The following PTGER3 variants were observed in gnomAD, a reference collection of about 807,000 sequenced individuals.
PTGER3 encodes prostaglandin E receptor 3.
In PTGER3, 22 loss-of-function variants were observed where a neutral mutation model predicts 34.7. The ratio of observed to expected loss-of-function variants is 0.63; its 90% confidence interval spans 0.45 to 0.91. The LOEUF (loss-of-function observed/expected upper bound fraction) is 0.91, where lower values mean the gene tolerates loss of function less well. Among genes scored for constraint, PTGER3 ranks in the 40% least tolerant of loss-of-function variants. The pLI, the probability that PTGER3 is intolerant of heterozygous loss-of-function variation, is 0.00. For missense variants in PTGER3, 468 were observed against 519.4 expected (o/e 0.90, Z 0.96); for synonymous variants, 241 against 230.1 (o/e 1.05, Z -0.43).
intron 1 of PTGER3, among the ~76,000 whole-genome samples, chr1:71,038,138 C>T (rs1659994161): frequency 6.6e-6 from 1 of 152,178 alleles, no homozygotes; most frequent in South Asian, 2.1e-4. Context: ...TAATCACACA[C>T]TTCTTTTTTC....
chr1:70,968,003 G>A (rs904646643), downstream of PTGER3, among the ~76,000 whole-genome samples: 4 of 152,112 alleles, frequency 2.6e-5, no homozygotes, highest in Non-Finnish European at 4.4e-5. Context: ...GTTCTCTTAC[G>A]TATCCCTGGC....
chr1:70,971,875 A>G, intron 3 of PTGER3, 142 bp from the exon 4 acceptor site: 1 of 546,272 alleles, frequency 1.8e-6, no homozygotes, highest in Non-Finnish European at 3.2e-6. Flanking sequence ...TGAAGTAATT[A>G]CATGTGTTTT....
intron 4 of PTGER3, among the ~76,000 whole-genome samples, chr1:70,936,014 T>C (rs188064090): frequency 9.9e-5 from 15 of 152,240 alleles, no homozygotes; most frequent in Admixed American, 9.2e-4. Context: ...AATGCACCAA[T>C]ACGTAACAAG....
chr1:70,909,233 A>C lies in PTGER3; in HGVS notation c.*23+44530T>G, dbSNP rs145907550. On this transcript the variant is annotated intron_variant, in intron 4 of 4. Transcript: ENST00000370931. ...CAAGGTGCAAAACACCAAATTACAC[A>C]GGCTTCCAATCTTGCAAAGCCCAGA... Among the ~76,000 whole-genome samples, 302 of 152,350 alleles carry C rather than the reference A, an allele frequency of 2.0e-3. 3 individuals are homozygous for C. The highest frequency in any genetic ancestry group is 6.5e-3 in the African/African-American group (269 of 41,588).
Position 70,917,441 on chromosome 1 carries a change from G to GTA in PTGER3, c.*23+36320_*23+36321dup, listed in dbSNP as rs1553163022. On this transcript the variant is annotated intron_variant, in intron 4 of 4. Coordinates refer to the PTGER3 transcript ENST00000370931. ...TGTGTGTGTGTGTGTGTGTGTGTGT[G>GTA]TATACAATCAATTCCATAGAATGGC... 6.4e-3 allele frequency among the ~76,000 whole-genome samples: 886 copies of GTA among 137,400 alleles called. 13 individuals carry two copies. Among genetic ancestry groups the GTA allele is most frequent in the East Asian group, 0.041 (197 of 4,816 alleles). The allele number at this position is 137,400 out of a possible 152,430, so 90.1% of individuals were successfully genotyped here.
At chr1:70,932,979 C>T (rs1004974289) in intron 4 of PTGER3, among the ~76,000 whole-genome samples, 6 of 152,036 alleles carry the variant, frequency 3.9e-5, no homozygotes, top group African/African-American at 1.4e-4. Flanking sequence ...GGGGTTCTCT[C>T]AGTAACTATA....
chr1:70,938,577 A>G (rs538406637), intron 4 of PTGER3, among the ~76,000 whole-genome samples: 1 of 152,306 alleles, frequency 6.6e-6, no homozygotes, highest in South Asian at 2.1e-4. Context: ...GAGACTGGGA[A>G]GAAAAGGTGG....
intron 4 of PTGER3, among the ~76,000 whole-genome samples, chr1:70,857,528 C>T (rs1572467302): frequency 6.7e-6 from 1 of 149,656 alleles, no homozygotes; most frequent in East Asian, 2.0e-4. Flanking sequence ...TTGGATTTCA[C>T]TCTTATTTAT....
intron 4 of PTGER3, among the ~76,000 whole-genome samples, chr1:70,873,595 G>A (rs968033328): frequency 1.3e-5 from 2 of 151,634 alleles, no homozygotes; most frequent in Non-Finnish European, 2.9e-5. Flanking sequence ...TTTTTTGGGG[G>A]AACAGGTGGT....
chr1:70,931,893 T>C (rs1403026837), intron 4 of PTGER3, among the ~76,000 whole-genome samples: 1 of 152,210 alleles, frequency 6.6e-6, no homozygotes, highest in Non-Finnish European at 1.5e-5. Context: ...CTTATACAAA[T>C]TTCTGCAGCC....
chr1:70,905,003 C>A (rs1646915467), intron 4 of PTGER3, among the ~76,000 whole-genome samples: 2 of 152,100 alleles, frequency 1.3e-5, no homozygotes, highest in Non-Finnish European at 2.9e-5. Flanking sequence ...TGTGTGCAAC[C>A]TAGGGACTTG....
intron 4 of PTGER3, among the ~76,000 whole-genome samples, chr1:70,926,143 G>T (rs1375716381): frequency 6.6e-6 from 1 of 152,152 alleles, no homozygotes; most frequent in Non-Finnish European, 1.5e-5. Flanking sequence ...CCAACATAGT[G>T]GTTGTAGGGA....
chr1:71,041,914 C>A (rs1660351047), intron 1 of PTGER3, among the ~76,000 whole-genome samples: 1 of 152,202 alleles, frequency 6.6e-6, no homozygotes, highest in Non-Finnish European at 1.5e-5. Flanking sequence ...GTATCCCTCA[C>A]CTACCACCCC....
intron 2 of PTGER3, among the ~76,000 whole-genome samples, chr1:71,000,735 C>A (rs1351860999): frequency 6.6e-6 from 1 of 152,122 alleles, no homozygotes; most frequent in Non-Finnish European, 1.5e-5. Flanking sequence ...TGTTCCAAAG[C>A]AAACTTAAGC....
chr1:70,864,184 T>TTTTTATA (rs1645991013), intron 4 of PTGER3, among the ~76,000 whole-genome samples: 1 of 152,146 alleles, frequency 6.6e-6, no homozygotes, highest in African/African-American at 2.4e-5. Context: ...GCTATTTACT[T>TTTTTATA]CTAGTTTTTT....
intron 4 of PTGER3, among the ~76,000 whole-genome samples, chr1:70,944,291 G>A (rs1220982740): frequency 1.3e-5 from 2 of 152,096 alleles, no homozygotes; most frequent in African/African-American, 4.8e-5. Context: ...ATATTTGCTA[G>A]AACTTCTGAG....
At chr1:70,990,350 G>GTC (rs1289541012) in intron 2 of PTGER3, among the ~76,000 whole-genome samples, 15 of 112,610 alleles carry the variant, frequency 1.3e-4, no homozygotes, top group Admixed American at 4.3e-4. Flanking sequence ...GAACGAGACT[G>GTC]TCTCACACAC....
At chr1:70,998,734 G>A (rs146173272) in intron 2 of PTGER3, among the ~76,000 whole-genome samples, 1 of 152,082 alleles carries the variant, frequency 6.6e-6, no homozygotes, top group African/African-American at 2.4e-5. Context: ...GAAATTCTCT[G>A]GTAGTTCTGT....
intron 4 of PTGER3, among the ~76,000 whole-genome samples, chr1:70,865,433 T>C (rs1488474605): frequency 6.6e-6 from 1 of 152,036 alleles, no homozygotes; most frequent in Non-Finnish European, 1.5e-5. Context: ...AGGGACCCCT[T>C]TAAGGAATTA....
Sources: gnomAD v4.1 joint callset for allele counts (sites outside exome capture counted in the v4.1 genomes callset) on GRCh38, gnomAD v4.1.1 for gene constraint, MANE v1.5 for transcripts, NCBI Gene and HGNC (gene_info 2026-07-23, HGNC 2026-07-21) for gene names.